The following LIN7A variants were observed in gnomAD, a reference collection of about 807,000 sequenced individuals.
LIN7A encodes the protein protein lin-7 homolog A.
A neutral mutation model predicts 29.8 loss-of-function variants in LIN7A; 25 were observed. That is an observed-to-expected ratio of 0.84 (90% confidence interval 0.61 to 1.17). The LOEUF (loss-of-function observed/expected upper bound fraction) is 1.17, where lower values mean the gene tolerates loss of function less well. Among genes scored for constraint, LIN7A ranks in the 50% most tolerant of loss-of-function variants. The probability of loss-of-function intolerance (pLI) is 0.00; values close to 1 mark genes in which losing one functional copy is unlikely to be tolerated. For synonymous variants in LIN7A, 118 were observed against 107.5 expected (o/e 1.10, Z -0.60); for missense variants, 239 against 287.0 (o/e 0.83, Z 1.21).
intron 1 of LIN7A, among the ~76,000 whole-genome samples, chr12:80,911,268 AT>A (rs768907424): frequency 0.071 from 7,561 of 105,896 alleles, 160 homozygotes; most frequent in Admixed American, 0.11. Context: ...AAGTTTGTCT[AT>A]TTTTTTTTTT....
At chr12:80,921,565 G>A (rs1338446037) in intron 1 of LIN7A, among the ~76,000 whole-genome samples, 1 of 150,872 alleles carries the variant, frequency 6.6e-6, no homozygotes, top group Non-Finnish European at 1.5e-5. Flanking sequence ...GGGGAGGGTG[G>A]GAGGGAGCAT....
intron 4 of LIN7A, among the ~76,000 whole-genome samples, chr12:80,835,321 C>A (rs1001434079): frequency 5.9e-5 from 9 of 152,098 alleles, no homozygotes; most frequent in Admixed American, 1.3e-4. Context: ...TTTATCATTT[C>A]TCTTTTTTAT....
At chr12:80,841,398 AGG>A (rs1872812826) in intron 4 of LIN7A, among the ~76,000 whole-genome samples, 1 of 139,182 alleles carries the variant, frequency 7.2e-6, no homozygotes, top group African/African-American at 2.7e-5. Flanking sequence ...GAAGGAAGGA[AGG>A]AAGGAAGGAG....
intron 2 of LIN7A, among the ~76,000 whole-genome samples, chr12:80,886,756 A>G (rs1875350915): frequency 6.6e-6 from 1 of 152,132 alleles, no homozygotes; most frequent in Non-Finnish European, 1.5e-5. Flanking sequence ...ATGGACTACC[A>G]ATGACACACA....
In LIN7A at chr12:80,937,588, A is replaced by G. The variant is rs565180088; in HGVS notation, c.82+53T>C. The G allele has an allele frequency of 3.8e-5, 48 of 1,246,948 alleles. No individual in the cohort carries two copies. In the East Asian group the frequency reaches 1.2e-3, roughly 32 times the overall value. The allele number at this position is 1,246,948 out of a possible 1,614,324, so 77.2% of individuals were successfully genotyped here. On this transcript the variant is annotated intron_variant, in intron 1 of 5. Coordinates refer to ENST00000552864, the MANE Select transcript of LIN7A (RefSeq NM_004664.4). ...CCCGTTGGGAATTGGCAGGCGGGGA[A>G]GGGAGGAGGGGAGAGGGGACGCGGT... is the stretch of plus-strand genomic sequence containing the variant.
At chr12:80,935,250 G>A (rs1878145432) in intron 1 of LIN7A, among the ~76,000 whole-genome samples, 1 of 152,166 alleles carries the variant, frequency 6.6e-6, no homozygotes, top group Non-Finnish European at 1.5e-5. Flanking sequence ...AACAGAGTGT[G>A]ATAAATGCTT....
chr12:80,920,685 C>T (rs1255326640), intron 1 of LIN7A, among the ~76,000 whole-genome samples: 1 of 152,116 alleles, frequency 6.6e-6, no homozygotes, highest in Non-Finnish European at 1.5e-5. Context: ...TAAACATATT[C>T]AGGAGAAACT....
intron 4 of LIN7A, 56 bp downstream of exon 4, chr12:80,845,674 G>T (rs2121548907): frequency 2.1e-6 from 3 of 1,421,524 alleles, no homozygotes; most frequent in South Asian, 2.5e-5. Context: ...AATAGCAGGG[G>T]GCAAAAAAAA....
intron 2 of LIN7A, among the ~76,000 whole-genome samples, chr12:80,878,839 C>T (rs757128302): frequency 1.3e-5 from 2 of 152,146 alleles, no homozygotes; most frequent in African/African-American, 2.4e-5. Context: ...TTACAAACCT[C>T]TAGCTAGTCA....
At chr12:80,931,658 T>C (rs562067441) in intron 1 of LIN7A, among the ~76,000 whole-genome samples, 1 of 128,926 alleles carries the variant, frequency 7.8e-6, no homozygotes, top group African/African-American at 2.7e-5. Context: ...AAAAAAAAAA[T>C]GGAAAACTCC....
chr12:80,904,098 T>C (rs1160892145), intron 1 of LIN7A, among the ~76,000 whole-genome samples: 1 of 152,144 alleles, frequency 6.6e-6, no homozygotes, highest in Middle Eastern at 3.2e-3. Flanking sequence ...TGAAAACTTA[T>C]GAAAATAACT....
At chr12:80,802,489 G>T (rs533892295) in intron 5 of LIN7A, among the ~76,000 whole-genome samples, 61 of 152,254 alleles carry the variant, frequency 4.0e-4, no homozygotes, top group Non-Finnish European at 6.9e-4. Flanking sequence ...CCCCAGAAGT[G>T]AGATTGCTGG....
At chr12:80,875,817 G>A (rs1337001068) in intron 2 of LIN7A, among the ~76,000 whole-genome samples, 1 of 152,052 alleles carries the variant, frequency 6.6e-6, no homozygotes, top group African/African-American at 2.4e-5. Context: ...AGTCTAATAA[G>A]GTAGATGACT....
chr12:80,890,889 C>G (rs1352692728), intron 1 of LIN7A, among the ~76,000 whole-genome samples: 1 of 151,990 alleles, frequency 6.6e-6, no homozygotes, highest in Non-Finnish European at 1.5e-5. Flanking sequence ...AGAGTGAGAC[C>G]CTATCTCTAA....
rs1870516962 is a variant in LIN7A, at chr12:80,797,656, C to G, written c.*71G>C. On this transcript the variant is annotated 3_prime_UTR_variant, in exon 6 of 6. Transcript: ENST00000552864. ...TATCAGTGTTGTCTTTTACTATGTG[C>G]TGGGATTCTGAAGCACGGTTTCAAA... 1 of 152,592 alleles carries G rather than the reference C, an allele frequency of 6.6e-6. No homozygotes were observed. The highest frequency in any genetic ancestry group is 1.5e-5 in the Non-Finnish European group (1 of 68,034). The allele number at this position is 152,592 out of a possible 1,614,324, so 9.5% of individuals were successfully genotyped here.
chr12:80,896,851 A>G (rs1875927864), intron 1 of LIN7A, among the ~76,000 whole-genome samples: 1 of 152,226 alleles, frequency 6.6e-6, no homozygotes, highest in African/African-American at 2.4e-5. Flanking sequence ...ACCTACTGCA[A>G]TGAACAATAT....
At chr12:80,802,458 T>C (rs1870767300) in intron 5 of LIN7A, among the ~76,000 whole-genome samples, 1 of 152,190 alleles carries the variant, frequency 6.6e-6, no homozygotes, top group Non-Finnish European at 1.5e-5. Flanking sequence ...AACATGCTAA[T>C]TTCAATTCAT....
chr12:80,913,952 A>G (rs924690151), intron 1 of LIN7A, among the ~76,000 whole-genome samples: 1 of 152,180 alleles, frequency 6.6e-6, no homozygotes, highest in Non-Finnish European at 1.5e-5. Flanking sequence ...CACTTTTCAT[A>G]TATCAGTCCC....
intron 1 of LIN7A, among the ~76,000 whole-genome samples, chr12:80,932,503 A>G (rs993368320): frequency 1.3e-5 from 2 of 152,230 alleles, no homozygotes; most frequent in Non-Finnish European, 2.9e-5. Context: ...TAGTAATACC[A>G]ACCTTGTATC....
Sources: allele counts gnomAD v4.1 joint callset (sites outside exome capture counted in the v4.1 genomes callset), GRCh38; gene constraint gnomAD v4.1.1; transcripts MANE v1.5; gene names NCBI Gene and HGNC (gene_info 2026-07-23, HGNC 2026-07-21).